Variants in DYNC1H1 observed in about 807,000 individuals in gnomAD.
The protein encoded by DYNC1H1 is cytoplasmic dynein 1 heavy chain 1.
Under a neutral mutation model 527.1 loss-of-function variants are expected in DYNC1H1, and 51 were observed. That is an observed-to-expected ratio of 0.10 (90% CI 0.08 to 0.12). The LOEUF is 0.12. Among genes scored for constraint, DYNC1H1 ranks in the 10% least tolerant of loss-of-function variants. The pLI, the probability that DYNC1H1 is intolerant of heterozygous loss-of-function variation, is 1.00. For synonymous variants in DYNC1H1, 2,189 were observed against 2,278.8 expected (o/e 0.96, Z 1.12); for missense variants, 2,771 against 5,971.8 (o/e 0.46, Z 17.66).
rs925010616 is a variant in DYNC1H1, at chr14:102,048,153, C to T, written c.13218+125C>T. On this transcript the variant is annotated intron_variant, in intron 73 of 77. Coordinates refer to ENST00000360184, the MANE Select transcript of DYNC1H1 (RefSeq NM_001376.5). ...ACGGAACGTACTCACACCGGTGTCA[C>T]CTCAGAGCAGGTGTCCAGCTGAGCC... 10 of 1,275,796 alleles carry T rather than the reference C, an allele frequency of 7.8e-6. No homozygotes were observed. The African/African-American group carries it at 1.0e-4, about 13-fold the overall frequency. The allele number at this position is 1,275,796 out of a possible 1,614,324, so 79.0% of individuals were successfully genotyped here. A position where few individuals can be genotyped will look rare whatever the true frequency, so the allele number is the denominator to read the frequency against.
intron 1 of DYNC1H1, among the ~76,000 whole-genome samples, chr14:101,971,009 T>C (rs1368907853): frequency 6.6e-6 from 1 of 151,516 alleles, no homozygotes; most frequent in Non-Finnish European, 1.5e-5. Flanking sequence ...CAGTGTGCTT[T>C]GTCCCTTTTC....
chr14:102,021,656 C>CTTTTTTTTTTT (rs757880988), intron 42 of DYNC1H1, among the ~76,000 whole-genome samples: 1 of 119,840 alleles, frequency 8.3e-6, no homozygotes, highest in Non-Finnish European at 1.7e-5. Flanking sequence ...TTTTCTTTTT[C>CTTTTTTTTTTT]TTTTTTTTTT....
At position 101,998,879 on chromosome 14, in the gene DYNC1H1, C is replaced by CTTTTT. The variant is rs888317854; in HGVS notation, c.3805-1094_3805-1090dup. Among the ~76,000 whole-genome samples, 40 of 115,206 alleles carry CTTTTT rather than the reference C, an allele frequency of 3.5e-4. 2 individuals are homozygous for CTTTTT. The highest frequency in any genetic ancestry group is 5.7e-4 in the South Asian group (2 of 3,522). The allele number at this position is 115,206 out of a possible 152,430, so 75.6% of individuals were successfully genotyped here. ...TAATGTGTTAGAGTTAAAACTTTTT[C>CTTTTT]TTTTTTTTTTTTTTTTTTTTGAGAC... On this transcript the variant is annotated intron_variant, in intron 16 of 77. Coordinates refer to ENST00000360184, the MANE Select transcript of DYNC1H1 (RefSeq NM_001376.5).
rs188522183 is a variant in DYNC1H1, at chr14:102,019,010, C to T, written c.8343+394C>T. On this transcript the variant is annotated intron_variant, in intron 41 of 77. Coordinates refer to ENST00000360184, the MANE Select transcript of DYNC1H1 (RefSeq NM_001376.5). ...ACTTTATTCAGAGATGTTATTGAGC[C>T]GAGAGACTTTCTCCAAGGTCTGTCA... is the stretch of plus-strand genomic sequence containing the variant. Among the ~76,000 whole-genome samples, 316 of 152,166 alleles carry T rather than the reference C, an allele frequency of 2.1e-3. 1 individual carries two copies. The highest frequency in any genetic ancestry group is 6.8e-3 in the African/African-American group (281 of 41,516).
rs1219578822 is a variant in DYNC1H1 at position 102,004,902 on chromosome 14, A to G, written c.5190A>G (p.Ala1730=). Residue 1730 remains alanine (A), a synonymous_variant, in exon 25 of 78, where the codon GCA becomes GCG. Coordinates refer to ENST00000360184, the MANE Select transcript of DYNC1H1 (RefSeq NM_001376.5). ...CGGAAGTTGAGATTTTTGGTAAAGC[A>G]ACTTCAATTGACCCAAATACCTACA... is the stretch of plus-strand genomic sequence containing the variant. The part of the protein sequence containing the change: ...SVTEVEIFGK[A]TSIDPNTYIT... 1 of 1,614,254 alleles carries G rather than the reference A, an allele frequency of 6.2e-7. No homozygotes were observed. Among genetic ancestry groups the G allele is most frequent in the Middle Eastern group, 1.6e-4 (1 of 6,062 alleles).
At chr14:102,000,235 TG>T in intron 17 of DYNC1H1, 50 bp from the exon 18 acceptor site, 16 of 1,614,090 alleles carry the variant, frequency 9.9e-6, no homozygotes, top group Non-Finnish European at 1.3e-5. Context: ...TGCCAGATTC[TG>T]GGGTGATTTC....
At chr14:102,043,743 C>G (rs2048680789) in intron 69 of DYNC1H1, 132 bp from the exon 70 acceptor site, 1 of 1,233,840 alleles carries the variant, frequency 8.1e-7, no homozygotes, top group South Asian at 1.3e-5. Flanking sequence ...AGCAGCAGTA[C>G]TCATGTGAAT....
At position 102,048,646 on chromosome 14, in the gene DYNC1H1, C is replaced by T. The variant is rs146087540; in HGVS notation, c.13349C>T (p.Thr4450Met). ...GKKKQTNYLR[T>M]LINELVKGIL... Reference sequence around the variant, plus strand: ...AAGAAGCAGACCAACTACTTGCGCACGCTGATCAACGAGCTAGTGAAAGGT... The same window carrying T: ...AAGAAGCAGACCAACTACTTGCGCATGCTGATCAACGAGCTAGTGAAAGGT... Residue 4450 changes from threonine to methionine, a missense_variant, in exon 74 of 78, where the codon ACG becomes ATG. By Grantham distance (81) the Thr-to-Met change is moderately conservative (BLOSUM62 -1). This residue lies in a region of DYNC1H1 where 170 missense variants were observed against 249.8 expected (regional missense o/e 0.68). Coordinates refer to ENST00000360184, the MANE Select transcript of DYNC1H1 (RefSeq NM_001376.5). The T allele has an allele frequency of 2.6e-4, 414 of 1,613,420 alleles. No individual in the cohort carries two copies. The highest frequency in any genetic ancestry group is 3.3e-4 in the Non-Finnish European group (388 of 1,180,052).
chr14:101,975,578 A>T, intron 1 of DYNC1H1, 134 bp from the exon 2 acceptor site: 1 of 809,912 alleles, frequency 1.2e-6, no homozygotes, highest in Non-Finnish European at 2.0e-6. Flanking sequence ...TAGGAAGGGA[A>T]AAATAGTGCC....
intron 42 of DYNC1H1, among the ~76,000 whole-genome samples, chr14:102,021,276 C>T (rs761902103): frequency 1.8e-4 from 27 of 152,220 alleles, no homozygotes; most frequent in Non-Finnish European, 2.8e-4. Context: ...ACTTGGGAGG[C>T]TGAGACAGGA....
intron 1 of DYNC1H1, among the ~76,000 whole-genome samples, chr14:101,969,069 G>A (rs1030744083): frequency 1.3e-5 from 2 of 151,880 alleles, no homozygotes; most frequent in African/African-American, 2.4e-5. Context: ...CCAGGCTGGA[G>A]TGCAGTGGCA....
chr14:101,980,051 A>T (rs1352327156), intron 4 of DYNC1H1, 77 bp downstream of exon 4: 1 of 1,602,896 alleles, frequency 6.2e-7, no homozygotes, highest in Non-Finnish European at 8.5e-7. Context: ...TGGATTTTGT[A>T]AGTGAGGTAA....
At chr14:101,988,316 C>T (rs1162866727) in intron 9 of DYNC1H1, among the ~76,000 whole-genome samples, 1 of 152,208 alleles carries the variant, frequency 6.6e-6, no homozygotes, top group East Asian at 1.9e-4. Context: ...CACATTCTGC[C>T]CCCACCCGTA....
At position 102,001,011 on chromosome 14, in the gene DYNC1H1, C is replaced by G; in HGVS notation, c.4132C>G (p.Arg1378Gly). The G allele has an allele frequency of 6.2e-7, 1 of 1,614,184 alleles. No homozygotes were observed. Among genetic ancestry groups the G allele is most frequent in the Non-Finnish European group, 8.5e-7 (1 of 1,180,040 alleles). Residue 1378 changes from arginine (R) to glycine (G), a missense_variant, in exon 19 of 78, where the codon CGA becomes GGA. This residue lies in a region of DYNC1H1 where 223 missense variants were observed against 462.5 expected (regional missense o/e 0.48). Transcript: ENST00000360184. This position sits in a 1 kb window ranked among gnomAD's most constrained non-coding sequence, Gnocchi z 5.0. ...NQLKSFPARL[R>G]QYASYEFVQR... is the part of the protein sequence containing the mutation. Reference sequence around the variant, plus strand: ...GCTGAAAAGCTTCCCTGCCCGGTTGCGACAGTATGCGTCCTATGAGTTTGT... The same window carrying G: ...GCTGAAAAGCTTCCCTGCCCGGTTGGGACAGTATGCGTCCTATGAGTTTGT...
chr14:102,002,455 A>G lies in DYNC1H1; in HGVS notation c.4543-82A>G. On this transcript the variant is annotated intron_variant, in intron 21 of 77. Transcript: ENST00000360184. The surrounding 1 kb of genome is among the most constrained non-coding windows in gnomAD (Gnocchi z 4.4). ...AATCAGATTACTTCATGAGATCCTGATCTGCGCTTTTTCAGTGAGTTTTGG... is the reference window on the plus strand; with the variant it reads ...AATCAGATTACTTCATGAGATCCTGGTCTGCGCTTTTTCAGTGAGTTTTGG... 1 of 1,564,464 alleles carries G rather than the reference A, an allele frequency of 6.4e-7. No homozygotes were observed. Among genetic ancestry groups the G allele is most frequent in the Non-Finnish European group, 8.8e-7 (1 of 1,137,172 alleles).
At chr14:101,987,720 T>G in intron 9 of DYNC1H1, 88 bp downstream of exon 9, 1 of 1,471,496 alleles carries the variant, frequency 6.8e-7, no homozygotes, top group Non-Finnish European at 9.4e-7. Context: ...AAAAGCATTT[T>G]TCCTTGGAAA....
chr14:102,019,628 G>A (rs1305312024), intron 41 of DYNC1H1, among the ~76,000 whole-genome samples: 1 of 152,206 alleles, frequency 6.6e-6, no homozygotes, highest in Admixed American at 6.5e-5. Context: ...TGGAGACGGA[G>A]TCTCACTCTG....
chr14:101,974,364 G>T (rs939270983), intron 1 of DYNC1H1, among the ~76,000 whole-genome samples: 1 of 152,208 alleles, frequency 6.6e-6, no homozygotes, highest in Non-Finnish European at 1.5e-5. Flanking sequence ...CTCCCAAAGT[G>T]CTGGGATTGC....
intron 51 of DYNC1H1, chr14:102,030,855 T>C (rs1419338947): frequency 3.8e-5 from 6 of 157,948 alleles, no homozygotes; most frequent in Non-Finnish European, 8.4e-5. Flanking sequence ...ATCCCAGCAC[T>C]TTGGGAGGCC....
Sources: gnomAD v4.1 joint callset for allele counts (sites outside exome capture counted in the v4.1 genomes callset) on GRCh38, gnomAD v4.1.1 for gene constraint, gnomAD v4.1.1 regional missense constraint, Gnocchi (gnomAD v3.1) non-coding constraint, MANE v1.5 for transcripts, NCBI Gene and HGNC (gene_info 2026-07-23, HGNC 2026-07-21) for gene names.